Variants in FBXO46 observed in about 807,000 individuals in gnomAD.
FBXO46 encodes the protein F-box only protein 46.
In FBXO46, 13 loss-of-function variants were observed where a neutral mutation model predicts 30.7. That is an observed-to-expected ratio of 0.42 (90% CI 0.28 to 0.67). The LOEUF (loss-of-function observed/expected upper bound fraction) is 0.67, where lower values mean the gene tolerates loss of function less well. FBXO46 is among the 30% of genes least tolerant of loss of function. FBXO46 has a pLI of 0.21. For missense variants in FBXO46, 754 were observed against 871.5 expected, an observed-to-expected ratio of 0.87 and a Z score of 1.70; for synonymous variants, 467 against 385.8, an observed-to-expected ratio of 1.21 and a Z score of -2.47.
Position 45,712,038 on chromosome 19 carries a change from G to A in FBXO46, c.1458C>T (p.Ser486=), listed in dbSNP as rs1410689054. 6.2e-7 allele frequency: 1 copy of A among 1,612,438 alleles called. No homozygotes were observed. The highest frequency in any genetic ancestry group is 8.5e-7 in the Non-Finnish European group (1 of 1,179,564). ...CGGCCAGCGCGCGCGTGGGCAGGAA[G>A]CTGAAGATCTTGACCAGCACGTGCT... The part of the protein sequence containing the change: ...LPEHVLVKIF[S]FLPTRALAAL... Residue 486 remains serine (S), a synonymous_variant, in exon 2 of 2, where the codon AGC becomes AGT. Transcript: ENST00000317683. This position sits in a 1 kb window ranked among gnomAD's most constrained non-coding sequence, Gnocchi z 8.8.
Position 45,713,386 on chromosome 19 carries a change from C to T in FBXO46, c.110G>A (p.Cys37Tyr). The stretch of plus-strand genomic sequence containing the variant: ...CTCGGCCCCGCCACCAGGCTCAGGG[C>T]AGGCTGATGGCTTGAGGGCCGCAGA... ...PPSAALKPSA[C>Y]PEPGGGAEPD... Residue 37 changes from cysteine to tyrosine, a missense_variant, in exon 2 of 2, where the codon TGC becomes TAC. Physicochemically the swap from Cys to Tyr is radical, Grantham distance 194. This residue lies in a region of FBXO46 where 97 missense variants were observed against 113.0 expected (regional missense o/e 0.86). Transcript: ENST00000317683. The surrounding 1 kb of genome is among the most constrained non-coding windows in gnomAD (Gnocchi z 4.7). 3 of 1,611,392 alleles carry T rather than the reference C, an allele frequency of 1.9e-6. No individual in the cohort carries two copies. The highest frequency in any genetic ancestry group is 2.5e-6 in the Non-Finnish European group (3 of 1,178,230).
intron 1 of FBXO46, among the ~76,000 whole-genome samples, chr19:45,728,458 C>G (rs1968266773): frequency 6.6e-6 from 1 of 152,196 alleles, no homozygotes; most frequent in African/African-American, 2.4e-5. Context: ...GTAAGTTCCA[C>G]TATACTGCAT....
chr19:45,715,181 C>T (rs1161856086), intron 1 of FBXO46: 1 of 152,214 alleles, frequency 6.6e-6, no homozygotes, highest in African/African-American at 2.4e-5. Context: ...CAGTTTGAAC[C>T]TACTAAGTAA....
chr19:45,722,044 G>C (rs1254285573), intron 1 of FBXO46, among the ~76,000 whole-genome samples: 1 of 152,080 alleles, frequency 6.6e-6, no homozygotes, highest in Non-Finnish European at 1.5e-5. Flanking sequence ...GGCTGGTCTT[G>C]AACTCCTGAT....
Position 45,712,288 on chromosome 19 carries a change from G to A in FBXO46, c.1208C>T (p.Pro403Leu), listed in dbSNP as rs1008255531. ...VCLTVSPEEP[P>L]PPGQLFFLQN... ...GAGAAAGAAGAGCTGGCCCGGAGGC[G>A]GCGGTTCCTCCGGGCTGACCGTCAG... The change falls in exon 2 of 2, where the codon CCG becomes CTG. Residue 403 changes from proline (P) to leucine (L), a missense_variant. Pro to Leu is a moderately conservative substitution (Grantham distance 98). This residue lies in a region of FBXO46 where 454 missense variants were observed against 426.5 expected (regional missense o/e 1.06). Coordinates refer to ENST00000317683, the MANE Select transcript of FBXO46 (RefSeq NM_001080469.2). This position sits in a 1 kb window ranked among gnomAD's most constrained non-coding sequence, Gnocchi z 8.8. The A allele has an allele frequency of 2.5e-6, 4 of 1,603,138 alleles. No individual in the cohort carries two copies. Among genetic ancestry groups the A allele is most frequent in the Admixed American group, 1.7e-5 (1 of 59,998 alleles).
Position 45,712,621 on chromosome 19 carries a change from C to T in FBXO46, c.875G>A (p.Gly292Asp). ...GGGRPGCAYP[G>D]SPGPGARAKD... ...GGCTCGGGCCCCAGGACCTGGGCTG[C>T]CAGGGTAGGCACAACCAGGCCTGCC... Residue 292 changes from glycine (G) to aspartate (D), a missense_variant, in exon 2 of 2, where the codon GGC (glycine) becomes GAC (aspartate). By Grantham distance (94) the Gly-to-Asp change is moderately conservative. This residue lies in a region of FBXO46 where 454 missense variants were observed against 426.5 expected (regional missense o/e 1.06). Transcript: ENST00000317683. This position sits in a 1 kb window ranked among gnomAD's most constrained non-coding sequence, Gnocchi z 8.8. 2 of 1,598,450 alleles carry T rather than the reference C, an allele frequency of 1.3e-6. No individual in the cohort carries two copies. Among genetic ancestry groups the T allele is most frequent in the South Asian group, 1.1e-5 (1 of 89,122 alleles).
chr19:45,712,138 G>A lies in FBXO46; in HGVS notation c.1358C>T (p.Ser453Leu). ...GAAGCGGATCTCTAGGAAGTCGTGCGACACGTGCCGGTACAAGCGGCACAG... is the reference window on the plus strand; with the variant it reads ...GAAGCGGATCTCTAGGAAGTCGTGCAACACGTGCCGGTACAAGCGGCACAG... ...TSLCRLYRHV[S>L]HDFLEIRFKI... Residue 453 changes from serine (S) to leucine (L), a missense_variant, in exon 2 of 2, where the codon TCG becomes TTG. Coordinates refer to ENST00000317683, the MANE Select transcript of FBXO46 (RefSeq NM_001080469.2). The surrounding 1 kb of genome is among the most constrained non-coding windows in gnomAD (Gnocchi z 8.8). The A allele has an allele frequency of 6.3e-7, 1 of 1,594,330 alleles. No homozygotes were observed. The highest frequency in any genetic ancestry group is 8.5e-7 in the Non-Finnish European group (1 of 1,171,148).
intron 1 of FBXO46, among the ~76,000 whole-genome samples, chr19:45,729,576 C>T (rs1344129984): frequency 6.6e-6 from 1 of 152,228 alleles, no homozygotes; most frequent in Non-Finnish European, 1.5e-5. Flanking sequence ...GTGCTGAAAG[C>T]ACAGATTCTG....
Position 45,712,278 on chromosome 19 carries a change from G to A in FBXO46, c.1218C>T (p.Gly406=), listed in dbSNP as rs752326874. Residue 406 remains glycine, a synonymous_variant, in exon 2 of 2, where the codon GGC becomes GGT. Transcript: ENST00000317683. This position sits in a 1 kb window ranked among gnomAD's most constrained non-coding sequence, Gnocchi z 8.8. Reference sequence around the variant, plus strand: ...CGCGGTTCTGGAGAAAGAAGAGCTGGCCCGGAGGCGGCGGTTCCTCCGGGC... The same window carrying A: ...CGCGGTTCTGGAGAAAGAAGAGCTGACCCGGAGGCGGCGGTTCCTCCGGGC... ...TVSPEEPPPP[G]QLFFLQNRGP... 5 of 1,603,640 alleles carry A rather than the reference G, an allele frequency of 3.1e-6. No homozygotes were observed. The African/African-American group carries it at 6.7e-5, about 21-fold the overall frequency.
rs779172231 is a variant in FBXO46, at chr19:45,711,712, C to T, written c.1784G>A (p.Gly595Asp). Residue 595 changes from glycine (G) to aspartate (D), a missense_variant, in exon 2 of 2, where the codon GGC becomes GAC. This residue lies in a region of FBXO46 where 162 missense variants were observed against 258.7 expected (regional missense o/e 0.63). Transcript: ENST00000317683. ...CCTCCCCTCCTCCCGGCCGGCCCGG[C>T]CCCCGCCTGGCCCATTGCAGGGCAG... ...WVLPCNGPGG[G>D]RAGREEGR 6 of 1,530,942 alleles carry T rather than the reference C, an allele frequency of 3.9e-6. No homozygotes were observed. The highest frequency in any genetic ancestry group is 4.4e-6 in the Non-Finnish European group (5 of 1,142,206). 94.8% of individuals were successfully genotyped at this position (1,530,942 alleles called of 1,614,324 possible). A position where few individuals can be genotyped will look rare whatever the true frequency, so the allele number is the denominator to read the frequency against.
At chr19:45,716,572 C>A (rs1301665797) in intron 1 of FBXO46, 1 of 152,110 alleles carries the variant, frequency 6.6e-6, no homozygotes, top group Non-Finnish European at 1.5e-5. Context: ...TCCTATACTC[C>A]CCCCAACCCT....
chr19:45,729,092 A>C (rs1968275944), intron 1 of FBXO46, among the ~76,000 whole-genome samples: 1 of 151,120 alleles, frequency 6.6e-6, no homozygotes, highest in South Asian at 2.1e-4. Flanking sequence ...CAAGAGCGAA[A>C]CTCCGCCTCA....
Position 45,713,968 on chromosome 19 carries a change from CAAAAA to C in FBXO46, c.-78-400_-78-396del, listed in dbSNP as rs34349746. ...GGGCGACAAGAGCGAAACTCCGTCT[CAAAAA>C]AAAAAAAAAAAAAAAAAAGAACTCT... On this transcript the variant is annotated intron_variant, in intron 1 of 1. Transcript: ENST00000317683. This position sits in a 1 kb window ranked among gnomAD's most constrained non-coding sequence, Gnocchi z 4.7. Among the ~76,000 whole-genome samples, 4,142 of 73,186 alleles carry C rather than the reference CAAAAA, an allele frequency of 0.057. 186 individuals are homozygous for C. The highest frequency in any genetic ancestry group is 0.19 in the African/African-American group (3,937 of 21,134). The allele number at this position is 73,186 out of a possible 152,430, so 48.0% of individuals were successfully genotyped here.
intron 1 of FBXO46, among the ~76,000 whole-genome samples, chr19:45,726,266 A>G (rs1239849662): frequency 6.6e-6 from 1 of 152,112 alleles, no homozygotes; most frequent in East Asian, 1.9e-4. Context: ...GGATCACTTG[A>G]GCCCGGGAAG....
chr19:45,712,977 G>C lies in FBXO46; in HGVS notation c.519C>G (p.Ala173=), dbSNP rs778727139. The C allele has an allele frequency of 3.8e-6, 6 of 1,577,808 alleles. No individual in the cohort carries two copies. The East Asian group carries it at 1.4e-4, about 36-fold the overall frequency. ...GCTGTTCCACCAGGGCCACCATCTC[G>C]GCCACAGAGAGCAGGTCCACGTCCT... ...AGEDVDLLSV[A]EMVALVEQRA... is the part of the protein sequence containing the mutation. Residue 173 remains alanine, a synonymous_variant, in exon 2 of 2, where the codon GCC becomes GCG. Transcript: ENST00000317683. The surrounding 1 kb of genome is among the most constrained non-coding windows in gnomAD (Gnocchi z 8.8).
intron 1 of FBXO46, among the ~76,000 whole-genome samples, chr19:45,725,882 T>C: frequency 6.6e-6 from 1 of 152,150 alleles, no homozygotes; most frequent in East Asian, 1.9e-4. Flanking sequence ...ATTTTTTTGT[T>C]TGTTTGTTTG....
rs143848213 is a variant in FBXO46, at chr19:45,727,369, C to T, written c.-79+3480G>A. Among the ~76,000 whole-genome samples, 306 of 152,116 alleles carry T rather than the reference C, an allele frequency of 2.0e-3. 3 individuals carry two copies. Among genetic ancestry groups the T allele is most frequent in the African/African-American group, 7.1e-3 (296 of 41,504 alleles). On this transcript the variant is annotated intron_variant, in intron 1 of 1. Transcript: ENST00000317683. The stretch of plus-strand genomic sequence containing the variant: ...GGTCAGGAGTTCGAGACCAGCCTGG[C>T]CAAGATGGTGAAACCTCATCTCTAC...
At chr19:45,731,284 T>G (rs151163538), upstream of FBXO46, among the ~76,000 whole-genome samples, 15 of 151,510 alleles carry the variant, frequency 9.9e-5, no homozygotes, top group East Asian at 2.9e-3. Context: ...CAGCTCCTTG[T>G]GCTTTTCCAA....
rs1359248465 is a variant in FBXO46 at position 45,711,778 on chromosome 19, G to A, written c.1718C>T (p.Thr573Ile). The change falls in exon 2 of 2, where the codon ACT becomes ATT. Residue 573 changes from threonine to isoleucine, a missense_variant. By Grantham distance (89) the Thr-to-Ile change is moderately conservative. Coordinates refer to ENST00000317683, the MANE Select transcript of FBXO46 (RefSeq NM_001080469.2). ...GTGGAGGCCCAGGCGGCAGCCGGGA[G>A]TCTCGCGGTCGGCTCGACGGCAGCA... ...WMCCRRADRE[T>I]PGCRLGLHDN... 1 of 1,602,416 alleles carries A rather than the reference G, an allele frequency of 6.2e-7. No homozygotes were observed. The highest frequency in any genetic ancestry group is 8.5e-7 in the Non-Finnish European group (1 of 1,176,508).
Sources: allele counts gnomAD v4.1 joint callset (sites outside exome capture counted in the v4.1 genomes callset), GRCh38; gene constraint gnomAD v4.1.1; regional missense constraint gnomAD v4.1.1; non-coding constraint Gnocchi (gnomAD v3.1); transcripts MANE v1.5; gene names NCBI Gene and HGNC (gene_info 2026-07-23, HGNC 2026-07-21).